Variants in GOLGB1 observed in about 807,000 individuals in gnomAD.
GOLGB1 encodes golgin subfamily B member 1.
A neutral mutation model predicts 336.9 loss-of-function variants in GOLGB1; 174 were observed. The observed-to-expected ratio is 0.52, with a 90% CI of 0.46 to 0.59. The LOEUF (loss-of-function observed/expected upper bound fraction) is 0.59, where lower values mean the gene tolerates loss of function less well. GOLGB1 is among the 20% of genes least tolerant of loss of function. GOLGB1 has a pLI of 0.00. For missense variants in GOLGB1, 3,331 were observed against 3,645.3 expected (o/e 0.91, Z 2.22); for synonymous variants, 1,208 against 1,289.2 (o/e 0.94, Z 1.35).
chr3:121,740,965 G>T (rs920970287), intron 1 of GOLGB1, among the ~76,000 whole-genome samples: 5 of 151,040 alleles, frequency 3.3e-5, no homozygotes, highest in Non-Finnish European at 5.9e-5. Flanking sequence ...TAGGCTTTAG[G>T]CTAAAAGATC....
At chr3:121,676,693 G>T (rs1347888128) in intron 17 of GOLGB1, among the ~76,000 whole-genome samples, 200 bp downstream of exon 17, 1 of 152,140 alleles carries the variant, frequency 6.6e-6, no homozygotes, top group African/African-American at 2.4e-5. Flanking sequence ...TCATTCCCAA[G>T]GACTCACCAA....
At position 121,676,662 on chromosome 3, in the gene GOLGB1, T is replaced by C. The variant is rs916095404; in HGVS notation, c.9177+231A>G. Among the ~76,000 whole-genome samples, 9 of 152,264 alleles carry C rather than the reference T, an allele frequency of 5.9e-5. No homozygotes were observed. The Middle Eastern group carries it at 0.01, about 173-fold the overall frequency. On this transcript the variant is annotated intron_variant, in intron 17 of 21. Coordinates refer to ENST00000614479, the MANE Select transcript of GOLGB1 (RefSeq NM_001366282.2). ...CCTAAAGTAGTTGGCTTCTTTACTT[T>C]TACTGTCTGGATTTATCCAATCATT... is the stretch of plus-strand genomic sequence containing the variant.
At position 121,718,422 on chromosome 3, in the gene GOLGB1, TGCA is replaced by T. The variant is rs758264797; in HGVS notation, c.848_850del (p.Leu283del). 6.2e-7 allele frequency: 1 copy of T among 1,613,712 alleles called. No individual in the cohort carries two copies. Among genetic ancestry groups the T allele is most frequent in the Admixed American group, 1.7e-5 (1 of 60,018 alleles). On this transcript the variant is annotated inframe_deletion, in exon 8 of 22. Coordinates refer to ENST00000614479, the MANE Select transcript of GOLGB1 (RefSeq NM_001366282.2). Reference sequence around the variant, plus strand: ...CTGCTCAGCAGCAGTCAGCTCCTGTTGCAGCAAGTCAACGACCTGAGCACGGCC... The same window carrying T: ...CTGCTCAGCAGCAGTCAGCTCCTGTTGCAAGTCAACGACCTGAGCACGGCC...
intron 1 of GOLGB1, among the ~76,000 whole-genome samples, chr3:121,733,839 T>G (rs540200609): frequency 5.9e-5 from 9 of 152,132 alleles, no homozygotes; most frequent in African/African-American, 2.2e-4. Context: ...TGTGGAACAA[T>G]TGGACATCTG....
intron 14 of GOLGB1, among the ~76,000 whole-genome samples, chr3:121,688,435 A>G (rs533176530): frequency 2.5e-4 from 38 of 152,300 alleles, no homozygotes; most frequent in African/African-American, 9.1e-4. Context: ...TGATCCGCCA[A>G]CCTCGGCCTC....
chr3:121,727,083 A>G (rs1304409918), intron 4 of GOLGB1, 42 bp from the exon 5 acceptor site: 1 of 1,164,330 alleles, frequency 8.6e-7, no homozygotes, highest in Non-Finnish European at 1.2e-6. Context: ...AAAGAATTAC[A>G]ATTAATATAT....
intron 5 of GOLGB1, 33 bp from the exon 6 acceptor site, chr3:121,722,411 A>G: frequency 8.6e-7 from 1 of 1,160,516 alleles, no homozygotes; most frequent in Non-Finnish European, 1.3e-6. Flanking sequence ...AGGAAAAAAA[A>G]TTATTTAAGC....
chr3:121,739,021 G>A (rs1178017283), intron 1 of GOLGB1, among the ~76,000 whole-genome samples: 3 of 152,124 alleles, frequency 2.0e-5, no homozygotes, highest in African/African-American at 7.2e-5. Context: ...TAGCACTTTG[G>A]GAGGCTGAGG....
At chr3:121,745,279 T>C (rs142846242) in intron 1 of GOLGB1, among the ~76,000 whole-genome samples, 4 of 142,940 alleles carry the variant, frequency 2.8e-5, no homozygotes, top group African/African-American at 1.1e-4. Context: ...TGTATATGTA[T>C]ATATACATAT....
chr3:121,666,260 C>T (rs1938596868), intron 20 of GOLGB1, among the ~76,000 whole-genome samples: 1 of 152,218 alleles, frequency 6.6e-6, no homozygotes, highest in Admixed American at 6.5e-5. Flanking sequence ...ACCCCAACTT[C>T]CATTCTGCAT....
At chr3:121,667,385 T>C in intron 20 of GOLGB1, 91 bp downstream of exon 20, 1 of 1,354,380 alleles carries the variant, frequency 7.4e-7, no homozygotes, top group South Asian at 1.4e-5. Flanking sequence ...GAGAAAAAGA[T>C]CTTAAGAAAT....
intron 1 of GOLGB1, among the ~76,000 whole-genome samples, chr3:121,736,147 G>A (rs1946451682): frequency 6.6e-6 from 1 of 152,034 alleles, no homozygotes; most frequent in African/African-American, 2.4e-5. Flanking sequence ...ATAAATTAAT[G>A]GTAGAGACAA....
intron 14 of GOLGB1, among the ~76,000 whole-genome samples, chr3:121,688,055 A>G (rs1576321723): frequency 6.6e-6 from 1 of 152,364 alleles, no homozygotes; most frequent in East Asian, 1.9e-4. Flanking sequence ...ATTAAGTGAG[A>G]TAGGAATGAA....
chr3:121,745,303 T>C (rs190743718), intron 1 of GOLGB1, among the ~76,000 whole-genome samples: 218 of 149,810 alleles, frequency 1.5e-3, no homozygotes, highest in Non-Finnish European at 2.6e-3. Context: ...TACGTGTATG[T>C]ATATATACAT....
chr3:121,689,112 G>A (rs544757072), intron 14 of GOLGB1, among the ~76,000 whole-genome samples: 39 of 152,020 alleles, frequency 2.6e-4, no homozygotes, highest in African/African-American at 8.7e-4. Flanking sequence ...GGGAGGTGAG[G>A]GGCACCTCTG....
rs114652346 is a variant in GOLGB1, at chr3:121,669,625, C to T, written c.9178-270G>A. Among the ~76,000 whole-genome samples, 699 of 152,030 alleles carry T rather than the reference C, an allele frequency of 4.6e-3. 4 individuals are homozygous for T. Among genetic ancestry groups the T allele is most frequent in the African/African-American group, 0.016 (653 of 41,452 alleles). On this transcript the variant is annotated intron_variant, in intron 17 of 21. Transcript: ENST00000614479. ...GTGCCCAGTACATTAACTGAAAAAC[C>T]ATGAAGCAGAAGTCCATAAGCAATC...
Position 121,697,975 on chromosome 3 carries a change from T to G in GOLGB1, c.2548A>C (p.Ser850Arg), listed in dbSNP as rs1321043370. ...SLQSQLQNKE[S>R]EVLEGAERVR... is the part of the protein sequence containing the mutation. ...CGTTCTGCCCCCTCAAGCACTTCAC[T>G]TTCCTTATTTTGCAGCTGGCTTTGC... Residue 850 changes from serine (S) to arginine (R), a missense_variant, in exon 13 of 22, where the codon AGT becomes CGT. Coordinates refer to ENST00000614479, the MANE Select transcript of GOLGB1 (RefSeq NM_001366282.2). 1.2e-6 allele frequency: 2 copies of G among 1,614,126 alleles called. No homozygotes were observed.
Position 121,691,365 on chromosome 3 carries a change from ATTC to A in GOLGB1, c.7996_7998del (p.Glu2666del), listed in dbSNP as rs1375662585. On this transcript the variant is annotated inframe_deletion, in exon 14 of 22. Coordinates refer to ENST00000614479, the MANE Select transcript of GOLGB1 (RefSeq NM_001366282.2). Reference sequence around the variant, plus strand: ...GCAGCTTCCTTTTGAACACAAACCAATTCTTCTTCCAGTTCTGCAATTCTCTTT... The same window carrying A: ...GCAGCTTCCTTTTGAACACAAACCAATTCTTCCAGTTCTGCAATTCTCTTT... 4 of 1,613,004 alleles carry A rather than the reference ATTC, an allele frequency of 2.5e-6. No homozygotes were observed. Among genetic ancestry groups the A allele is most frequent in the Admixed American group, 1.7e-5 (1 of 59,822 alleles).
Position 121,664,512 on chromosome 3 carries a change from G to A in GOLGB1, c.9763C>T (p.Leu3255=). The A allele has an allele frequency of 6.2e-7, 1 of 1,613,740 alleles. No individual in the cohort carries two copies. Among genetic ancestry groups the A allele is most frequent in the Middle Eastern group, 1.7e-4 (1 of 6,060 alleles). Residue 3255 remains leucine, a synonymous_variant, in exon 22 of 22, where the codon CTG becomes TTG. Coordinates refer to ENST00000614479, the MANE Select transcript of GOLGB1 (RefSeq NM_001366282.2). ...AAIYFLMIHV[L]LILCFTGHL ...TGGCCCGTAAAACACAGAATGAGCAGGACATGAATCATTAGAAAGTAGATG... is the reference window on the plus strand; with the variant it reads ...TGGCCCGTAAAACACAGAATGAGCAAGACATGAATCATTAGAAAGTAGATG...
Sources: gnomAD v4.1 joint callset for allele counts (sites outside exome capture counted in the v4.1 genomes callset) on GRCh38, gnomAD v4.1.1 for gene constraint, MANE v1.5 for transcripts, NCBI Gene and HGNC (gene_info 2026-07-23, HGNC 2026-07-21) for gene names.